The following FICD variants were observed in gnomAD, a reference collection of about 807,000 sequenced individuals.
FICD encodes FIC domain protein adenylyltransferase, also known as protein adenylyltransferase FICD.
FICD carries 13 observed loss-of-function variants against 28.0 expected under a neutral mutation model. The observed-to-expected ratio is 0.46, with a 90% CI of 0.30 to 0.74. FICD has a LOEUF of 0.74. Ranked by LOEUF, FICD falls within the 30% of genes least tolerant of loss-of-function variation. The pLI is 0.07. For synonymous variants in FICD, 268 were observed against 266.4 expected (o/e 1.01, Z -0.06); for missense variants, 576 against 624.5 (o/e 0.92, Z 0.83).
At position 108,517,115 on chromosome 12, in the gene FICD, A is replaced by C; in HGVS notation, c.143A>C (p.Glu48Ala). The C allele has an allele frequency of 3.1e-6, 5 of 1,609,788 alleles. No homozygotes were observed. Among genetic ancestry groups the C allele is most frequent in the Non-Finnish European group, 4.2e-6 (5 of 1,178,026 alleles). The change falls in exon 2 of 3, where the codon GAG (glutamate) becomes GCG (alanine). Residue 48 changes from glutamate (E) to alanine (A), a missense_variant. Coordinates refer to ENST00000552695, the MANE Select transcript of FICD (RefSeq NM_007076.3). ...CTGCTGCTGCCGCTGGGGGCTGTGG[A>C]GGAGCAGTGCTTGGCTGTGCTCAAA... ...LALLLPLGAV[E>A]EQCLAVLKGL...
chr12:108,519,408 C>T lies in FICD; in HGVS notation c.1310C>T (p.Ser437Leu), dbSNP rs747434780. ...CTGCTTTTTGCCACAACTGAGTACT[C>T]GGTGGCACTGCCAGAAGCCCAACCC... ...DTLLFATTEY[S>L]VALPEAQPNH... Residue 437 changes from serine to leucine, a missense_variant, in exon 3 of 3, where the codon TCG becomes TTG. By Grantham distance (145) the Ser-to-Leu change is moderately radical (BLOSUM62 -2). Coordinates refer to ENST00000552695, the MANE Select transcript of FICD (RefSeq NM_007076.3). This position sits in a 1 kb window ranked among gnomAD's most constrained non-coding sequence, Gnocchi z 4.5. 1.1e-5 allele frequency: 18 copies of T among 1,613,932 alleles called. No individual in the cohort carries two copies. The East Asian group carries it at 1.8e-4, about 16-fold the overall frequency.
Position 108,519,502 on chromosome 12 carries a change from TG to T in FICD, c.*28del. ...CCTAGAAATCCTCAGTGACAAAGGC[TG>T]TCCTGAGGTAGGAAAAAAAAAAAGA... On this transcript the variant is annotated 3_prime_UTR_variant, in exon 3 of 3. Transcript: ENST00000552695. The surrounding 1 kb of genome is among the most constrained non-coding windows in gnomAD (Gnocchi z 4.5). 7.0e-7 allele frequency: 1 copy of T among 1,432,752 alleles called. No individual in the cohort carries two copies. The highest frequency in any genetic ancestry group is 1.3e-5 in the South Asian group (1 of 77,938). 88.8% of individuals were successfully genotyped at this position (1,432,752 alleles called of 1,614,324 possible).
Position 108,516,902 on chromosome 12 carries a change from T to TG in FICD, c.-58-11dup, listed in dbSNP as rs1871922989. On this transcript the variant is annotated splice_polypyrimidine_tract_variant and intron_variant, in intron 1 of 2. Transcript: ENST00000552695. ...ACGTGTCTGTTTCTCCTGCGACTCT[T>TG]GGCTCCTTGCAGATCCTGCTCTCTC... 2.8e-5 allele frequency: 37 copies of TG among 1,321,688 alleles called. No homozygotes were observed. In the South Asian group the frequency reaches 6.2e-4, roughly 22 times the overall value. 81.9% of individuals were successfully genotyped at this position (1,321,688 alleles called of 1,614,324 possible).
At position 108,518,744 on chromosome 12, in the gene FICD, C is replaced by CG. The variant is rs1162207947; in HGVS notation, c.647dup (p.Arg217GlnfsTer142). The CG allele has an allele frequency of 2.5e-6, 4 of 1,614,058 alleles. No individual in the cohort carries two copies. The highest frequency in any genetic ancestry group is 3.3e-5 in the Admixed American group (2 of 60,002). Reference sequence around the variant, plus strand: ...CATCCCCAAGGGGAACTCAGCTCTGCGCAGGGTCATGGAGGAGACCTACTA... The same window carrying CG: ...CATCCCCAAGGGGAACTCAGCTCTGCGGCAGGGTCATGGAGGAGACCTACTA... On this transcript the variant is annotated frameshift_variant, in exon 3 of 3. Transcript: ENST00000552695. LOFTEE classifies it high-confidence loss of function. This position sits in a 1 kb window ranked among gnomAD's most constrained non-coding sequence, Gnocchi z 4.4.
Position 108,519,425 on chromosome 12 carries a change from GCCCAACCCAA to G in FICD, c.1330_1339del (p.Gln444ThrfsTer10). 1 of 1,613,934 alleles carries G rather than the reference GCCCAACCCAA, an allele frequency of 6.2e-7. No homozygotes were observed. Among genetic ancestry groups the G allele is most frequent in the East Asian group, 2.2e-5 (1 of 44,854 alleles). ...TGAGTACTCGGTGGCACTGCCAGAA[GCCCAACCCAA>G]CCACTCTGGGTTCAAGGAGACGCTT... On this transcript the variant is annotated frameshift_variant, in exon 3 of 3. Coordinates refer to ENST00000552695, the MANE Select transcript of FICD (RefSeq NM_007076.3). LOFTEE classifies it high-confidence loss of function. This position sits in a 1 kb window ranked among gnomAD's most constrained non-coding sequence, Gnocchi z 4.5.
chr12:108,519,302 G>T lies in FICD; in HGVS notation c.1204G>T (p.Val402Leu). The T allele has an allele frequency of 6.2e-7, 1 of 1,614,206 alleles. No individual in the cohort carries two copies. The highest frequency in any genetic ancestry group is 8.5e-7 in the Non-Finnish European group (1 of 1,180,044). The change falls in exon 3 of 3, where the codon GTG (valine) becomes TTG (leucine). Residue 402 changes from valine (V) to leucine (L), a missense_variant. By Grantham distance (32) the Val-to-Leu change is conservative. Coordinates refer to ENST00000552695, the MANE Select transcript of FICD (RefSeq NM_007076.3). This position sits in a 1 kb window ranked among gnomAD's most constrained non-coding sequence, Gnocchi z 4.5. ...GGAGCAGCGGTCCGACTACTACCAC[G>T]TGTTGGAAGCTGCCAACGAGGGCGA... Reference protein sequence around the residue: ...RKEQRSDYYHVLEAANEGDVR... With the variant: ...RKEQRSDYYHLLEAANEGDVR...
chr12:108,517,161 CA>C lies in FICD; in HGVS notation c.192del (p.Lys64AsnfsTer47), dbSNP rs763730610. The C allele has an allele frequency of 1.2e-6, 2 of 1,605,498 alleles. No individual in the cohort carries two copies. Among genetic ancestry groups the C allele is most frequent in the South Asian group, 2.2e-5 (2 of 90,066 alleles). ...VLKGLYLLRSKPDRAQHAATK... is the reference protein window; with the variant it reads ...VLKGLYLLRSXPDRAQHAATK... ...TCAAAGGCCTCTACCTGCTCAGGAG[CA>C]AACCGGACAGGGCGCAGCATGCCGC... On this transcript the variant is annotated frameshift_variant, in exon 2 of 3. Transcript: ENST00000552695. LOFTEE classifies it high-confidence loss of function.
chr12:108,517,544 C>T (rs190285398), intron 2 of FICD: 3 of 414,392 alleles, frequency 7.2e-6, no homozygotes, highest in Non-Finnish European at 1.3e-5. Flanking sequence ...GGGTGAAGGG[C>T]ATCCAAGGAA....
rs777018004 is a variant in FICD, at chr12:108,518,234, C to T, written c.302-166C>T. 39 of 709,370 alleles carry T rather than the reference C, an allele frequency of 5.5e-5. No homozygotes were observed. The highest frequency in any genetic ancestry group is 2.7e-4 in the South Asian group (18 of 67,750). The allele number at this position is 709,370 out of a possible 1,614,324, so 43.9% of individuals were successfully genotyped here. ...CACGGCTGGGGCAACAGAGTGGTAC[C>T]GGGCATGTTGAGTACACACGATGCG... is the stretch of plus-strand genomic sequence containing the variant. On this transcript the variant is annotated intron_variant, in intron 2 of 2. Coordinates refer to ENST00000552695, the MANE Select transcript of FICD (RefSeq NM_007076.3). The surrounding 1 kb of genome is among the most constrained non-coding windows in gnomAD (Gnocchi z 4.4).
Position 108,518,240 on chromosome 12 carries a change from T to C in FICD, c.302-160T>C. 1 of 712,740 alleles carries C rather than the reference T, an allele frequency of 1.4e-6. No homozygotes were observed. The highest frequency in any genetic ancestry group is 2.5e-6 in the Non-Finnish European group (1 of 393,396). 44.2% of individuals were successfully genotyped at this position (712,740 alleles called of 1,614,324 possible). A position where few individuals can be genotyped will look rare whatever the true frequency, so the allele number is the denominator to read the frequency against. On this transcript the variant is annotated intron_variant, in intron 2 of 2. Transcript: ENST00000552695. The surrounding 1 kb of genome is among the most constrained non-coding windows in gnomAD (Gnocchi z 4.4). ...TGGGGCAACAGAGTGGTACCGGGCATGTTGAGTACACACGATGCGGCTGCA... is the reference window on the plus strand; with the variant it reads ...TGGGGCAACAGAGTGGTACCGGGCACGTTGAGTACACACGATGCGGCTGCA...
chr12:108,518,504 G>C lies in FICD; in HGVS notation c.406G>C (p.Asp136His), dbSNP rs1871980538. ...GCTCTTCATGCACGCCCTCAAGATG[G>C]ACCCGGACTTCGTGGACGCGCTCAC... Reference protein sequence around the residue: ...QKLFMHALKMDPDFVDALTEF... With the variant: ...QKLFMHALKMHPDFVDALTEF... Residue 136 changes from aspartate to histidine, a missense_variant, in exon 3 of 3, where the codon GAC (aspartate) becomes CAC (histidine). Physicochemically the swap from Asp to His is moderately conservative, Grantham distance 81. Coordinates refer to ENST00000552695, the MANE Select transcript of FICD (RefSeq NM_007076.3). The surrounding 1 kb of genome is among the most constrained non-coding windows in gnomAD (Gnocchi z 4.4). 1 of 1,614,056 alleles carries C rather than the reference G, an allele frequency of 6.2e-7. No individual in the cohort carries two copies. The highest frequency in any genetic ancestry group is 8.5e-7 in the Non-Finnish European group (1 of 1,180,046).
In FICD at chr12:108,519,432, C is replaced by A; in HGVS notation, c.1334C>A (p.Pro445His). The change falls in exon 3 of 3, where the codon CCC (proline) becomes CAC (histidine). Residue 445 changes from proline to histidine, a missense_variant. Physicochemically the swap from Pro to His is moderately conservative, Grantham distance 77. Transcript: ENST00000552695. The surrounding 1 kb of genome is among the most constrained non-coding windows in gnomAD (Gnocchi z 4.5). The part of the protein sequence containing the change: ...EYSVALPEAQ[P>H]NHSGFKETLP... ...TCGGTGGCACTGCCAGAAGCCCAAC[C>A]CAACCACTCTGGGTTCAAGGAGACG... is the stretch of plus-strand genomic sequence containing the variant. 4 of 1,613,972 alleles carry A rather than the reference C, an allele frequency of 2.5e-6. No individual in the cohort carries two copies. In the South Asian group the frequency reaches 4.4e-5, roughly 18 times the overall value.
chr12:108,518,554 AGAC>A lies in FICD; in HGVS notation c.457_459del (p.Asp153del). The A allele has an allele frequency of 1.2e-6, 2 of 1,614,244 alleles. No homozygotes were observed. Among genetic ancestry groups the A allele is most frequent in the Non-Finnish European group, 1.7e-6 (2 of 1,180,040 alleles). On this transcript the variant is annotated inframe_deletion, in exon 3 of 3. Coordinates refer to ENST00000552695, the MANE Select transcript of FICD (RefSeq NM_007076.3). The surrounding 1 kb of genome is among the most constrained non-coding windows in gnomAD (Gnocchi z 4.4). ...CCGAGTTTGGCATCTTCTCGGAAGA[AGAC>A]AAGGACATCATCCAGGCGGACTACT... is the stretch of plus-strand genomic sequence containing the variant.
chr12:108,517,400 A>C (rs901620981), intron 2 of FICD, 127 bp downstream of exon 2: 7 of 706,718 alleles, frequency 9.9e-6, no homozygotes, highest in Non-Finnish European at 1.5e-5. Context: ...TAGTATAGAC[A>C]AGGTGATGTG....
chr12:108,517,303 C>T (rs1871939906), intron 2 of FICD, 30 bp downstream of exon 2: 4 of 1,463,584 alleles, frequency 2.7e-6, no homozygotes, highest in African/African-American at 1.4e-5. Flanking sequence ...TTCCTCAATG[C>T]TTGTTAACTG....
At position 108,520,763 on chromosome 12, in the gene FICD, T is replaced by C. The variant is rs1399011790; in HGVS notation, c.*1288T>C. 1 of 152,204 alleles carries C rather than the reference T, an allele frequency of 6.6e-6. No individual in the cohort carries two copies. The highest frequency in any genetic ancestry group is 1.5e-5 in the Non-Finnish European group (1 of 68,044). The allele number at this position is 152,204 out of a possible 1,614,324, so 9.4% of individuals were successfully genotyped here. ...GGAAGTCACTGGGTCCCTTTCCCAG[T>C]GACAGAGCCCATGATGTCTAACACT... On this transcript the variant is annotated 3_prime_UTR_variant, in exon 3 of 3. Transcript: ENST00000552695.
Position 108,519,520 on chromosome 12 carries a change from A to G in FICD, c.*45A>G. On this transcript the variant is annotated 3_prime_UTR_variant, in exon 3 of 3. Transcript: ENST00000552695. This position sits in a 1 kb window ranked among gnomAD's most constrained non-coding sequence, Gnocchi z 4.5. ...CAAAGGCTGTCCTGAGGTAGGAAAA[A>G]AAAAAAGAAACAGCATTTCTAGAAA... 1.6e-6 allele frequency: 2 copies of G among 1,269,206 alleles called. No individual in the cohort carries two copies. The highest frequency in any genetic ancestry group is 1.5e-5 in the South Asian group (1 of 67,360). 78.6% of individuals were successfully genotyped at this position (1,269,206 alleles called of 1,614,324 possible). A position where few individuals can be genotyped will look rare whatever the true frequency, so the allele number is the denominator to read the frequency against.
chr12:108,515,993 G>A (rs561446231), intron 1 of FICD, among the ~76,000 whole-genome samples: 5 of 152,296 alleles, frequency 3.3e-5, no homozygotes, highest in African/African-American at 9.6e-5. Context: ...CCTTCATAGG[G>A]TGGCATGAGG....
chr12:108,518,836 C>T lies in FICD; in HGVS notation c.738C>T (p.Ile246=). ...TCACCCTCTCGGAAATCAGGCACAT[C>T]CTGGAGACCCGCTACGCCGTGCCCG... ...NTLTLSEIRH[I]LETRYAVPGK... is the part of the protein sequence containing the mutation. The change falls in exon 3 of 3, where the codon ATC becomes ATT. Residue 246 remains isoleucine (I), a synonymous_variant. Coordinates refer to ENST00000552695, the MANE Select transcript of FICD (RefSeq NM_007076.3). This position sits in a 1 kb window ranked among gnomAD's most constrained non-coding sequence, Gnocchi z 4.4. 1 of 1,614,180 alleles carries T rather than the reference C, an allele frequency of 6.2e-7. No individual in the cohort carries two copies. The highest frequency in any genetic ancestry group is 8.5e-7 in the Non-Finnish European group (1 of 1,180,026).
Sources: allele counts gnomAD v4.1 joint callset (sites outside exome capture counted in the v4.1 genomes callset), GRCh38; gene constraint gnomAD v4.1.1; non-coding constraint Gnocchi (gnomAD v3.1); transcripts MANE v1.5; gene names NCBI Gene and HGNC (gene_info 2026-07-23, HGNC 2026-07-21).